KAZN: variants seen among roughly 807,000 people sequenced by gnomAD.
KAZN encodes kazrin, periplakin interacting protein, also known as kazrin.
A neutral mutation model predicts 87.4 loss-of-function variants in KAZN; 40 were observed. The ratio of observed to expected loss-of-function variants is 0.46; its 90% CI spans 0.36 to 0.60. The LOEUF (loss-of-function observed/expected upper bound fraction) is 0.60. Among genes scored for constraint, KAZN ranks in the 20% least tolerant of loss-of-function variants. KAZN has a pLI of 0.00. For missense variants in KAZN, 898 were observed against 1,073.9 expected, an observed-to-expected ratio of 0.84 and a Z score of 2.29; for synonymous variants, 466 against 458.3, an observed-to-expected ratio of 1.02 and a Z score of -0.22.
At chr1:13,984,494 T>C (rs1638915559) in intron 1 of KAZN, among the ~76,000 whole-genome samples, 1 of 152,204 alleles carries the variant, frequency 6.6e-6, no homozygotes, top group African/African-American at 2.4e-5. Context: ...ACCTAATAAT[T>C]CTAATTTTTT....
intron 2 of KAZN, among the ~76,000 whole-genome samples, chr1:14,192,523 A>T (rs957265671): frequency 1.3e-5 from 2 of 152,198 alleles, no homozygotes; most frequent in African/African-American, 4.8e-5. Context: ...AAACTTGAAT[A>T]TATACGTGGA....
chr1:14,180,515 G>A (rs1358950719), exon 2 of KAZN: 2 of 1,550,226 alleles, frequency 1.3e-6, no homozygotes, highest in African/African-American at 1.4e-5. Flanking sequence ...GGAGGACAAA[G>A]ACCCTTTTCT....
At chr1:14,487,510 A>G (rs1669411836) in intron 2 of KAZN, among the ~76,000 whole-genome samples, 1 of 152,162 alleles carries the variant, frequency 6.6e-6, no homozygotes, top group Non-Finnish European at 1.5e-5. Context: ...CCAGCTTCAT[A>G]TCCACATACA....
intron 1 of KAZN, among the ~76,000 whole-genome samples, chr1:14,707,460 C>T (rs574811953): frequency 6.6e-5 from 10 of 152,170 alleles, no homozygotes; most frequent in African/African-American, 2.2e-4. Flanking sequence ...AGTTTCTCTC[C>T]GGCCATCAAC....
chr1:14,709,390 A>ATGTTGAACT (rs1642376188), intron 1 of KAZN, among the ~76,000 whole-genome samples: 1 of 152,172 alleles, frequency 6.6e-6, no homozygotes, highest in African/African-American at 2.4e-5. Flanking sequence ...GCCTCCACAA[A>ATGTTGAACT]TGTTGAACTC....
At chr1:14,463,325 G>A (rs1667951128) in intron 2 of KAZN, among the ~76,000 whole-genome samples, 2 of 152,220 alleles carry the variant, frequency 1.3e-5, no homozygotes, top group African/African-American at 4.8e-5. Flanking sequence ...ACTTTATCTT[G>A]TCTGGACCAG....
At chr1:14,150,595 G>T (rs1300186021) in intron 1 of KAZN, among the ~76,000 whole-genome samples, 2 of 152,182 alleles carry the variant, frequency 1.3e-5, no homozygotes, top group African/African-American at 4.8e-5. Context: ...GTATCCATTT[G>T]TATGTTAATT....
intron 1 of KAZN, among the ~76,000 whole-genome samples, chr1:14,121,149 A>G (rs975478431): frequency 2.0e-5 from 3 of 152,184 alleles, no homozygotes; most frequent in African/African-American, 7.2e-5. Flanking sequence ...GAGTTTGCTC[A>G]CCCATGTTGC....
intron 2 of KAZN, among the ~76,000 whole-genome samples, chr1:14,347,917 CTG>C (rs1406602694): frequency 6.6e-6 from 1 of 150,920 alleles, no homozygotes; most frequent in Non-Finnish European, 1.5e-5. Flanking sequence ...CAGTGTCTCA[CTG>C]TGTCACCCCA....
intron 1 of KAZN, among the ~76,000 whole-genome samples, chr1:14,859,600 A>T (rs1363497706): frequency 6.6e-6 from 1 of 152,002 alleles, no homozygotes; most frequent in Non-Finnish European, 1.5e-5. Flanking sequence ...TCTGATTATC[A>T]CTCACCTACT....
intron 2 of KAZN, among the ~76,000 whole-genome samples, chr1:14,574,238 C>A (rs910784806): frequency 1.3e-5 from 2 of 152,210 alleles, no homozygotes; most frequent in Non-Finnish European, 2.9e-5. Flanking sequence ...CATGACGTCT[C>A]CCTGCACTTC....
intron 2 of KAZN, among the ~76,000 whole-genome samples, chr1:14,507,068 A>G (rs1270518446): frequency 6.6e-6 from 1 of 152,226 alleles, no homozygotes; most frequent in Non-Finnish European, 1.5e-5. Context: ...CACAATCTGC[A>G]GAGAACAGAT....
chr1:14,562,445 C>T (rs184206795), intron 2 of KAZN, among the ~76,000 whole-genome samples: 2 of 152,274 alleles, frequency 1.3e-5, no homozygotes, highest in East Asian at 1.9e-4. Flanking sequence ...AGATTGGCTC[C>T]GAAAGACCCA....
At chr1:14,926,746 T>C (rs1242580921) in intron 1 of KAZN, among the ~76,000 whole-genome samples, 1 of 152,220 alleles carries the variant, frequency 6.6e-6, no homozygotes, top group Non-Finnish European at 1.5e-5. Flanking sequence ...AACTTGTTGC[T>C]GAAATAAACA....
Position 13,926,933 on chromosome 1 carries a change from A to G in KAZN, c.91+33177A>G, listed in dbSNP as rs960388548. 6.6e-5 allele frequency among the ~76,000 whole-genome samples: 10 copies of G among 152,326 alleles called. No individual in the cohort carries two copies. In the East Asian group the frequency reaches 1.7e-3, roughly 26 times the overall value. ...CCTTGCTATGGTGCTCAAAGAAAAA[A>G]ACCTGCAAAAATATGTGTTTTAAAT... On this transcript the variant is annotated intron_variant, in intron 1 of 16. Coordinates refer to the KAZN transcript ENST00000636203.
chr1:14,863,687 G>A (rs374506736), intron 1 of KAZN, among the ~76,000 whole-genome samples: 76 of 152,352 alleles, frequency 5.0e-4, no homozygotes, highest in African/African-American at 1.6e-3. Flanking sequence ...TGGTGTATAT[G>A]TGTAGAGTGC....
chr1:14,445,799 G>A (rs890062184), intron 2 of KAZN, among the ~76,000 whole-genome samples: 14 of 152,116 alleles, frequency 9.2e-5, no homozygotes, highest in East Asian at 1.9e-4. Context: ...AGAGGGAGCC[G>A]GGGTATTCAC....
At chr1:14,498,477 G>A (rs1358243470) in intron 2 of KAZN, among the ~76,000 whole-genome samples, 2 of 152,040 alleles carry the variant, frequency 1.3e-5, no homozygotes, top group African/African-American at 4.8e-5. Flanking sequence ...GGATCACTTG[G>A]GGTCAGGGGT....
At chr1:14,598,194 G>C (rs369300691), upstream of KAZN, among the ~76,000 whole-genome samples, 17 of 152,278 alleles carry the variant, frequency 1.1e-4, 1 homozygote, top group East Asian at 2.3e-3. The surrounding 1 kb of genome is among the most constrained non-coding windows in gnomAD (Gnocchi z 4.2). Flanking sequence ...CTGCGGGTGG[G>C]GGGTGGAGAG....
Sources: gnomAD v4.1 joint callset for allele counts (sites outside exome capture counted in the v4.1 genomes callset) on GRCh38, gnomAD v4.1.1 for gene constraint, Gnocchi (gnomAD v3.1) non-coding constraint, MANE v1.5 for transcripts, NCBI Gene and HGNC (gene_info 2026-07-23, HGNC 2026-07-21) for gene names.